Variants in HTR4 observed in about 807,000 individuals in gnomAD.
HTR4 encodes 5-hydroxytryptamine receptor 4.
HTR4 carries 16 observed loss-of-function variants against 36.8 expected under a neutral mutation model. That is an observed-to-expected ratio of 0.43 (90% CI 0.29 to 0.66). The LOEUF (loss-of-function observed/expected upper bound fraction) is 0.66, where lower values mean the gene tolerates loss of function less well. Among genes scored for constraint, HTR4 ranks in the 30% least tolerant of loss-of-function variants. The pLI is 0.13. For missense variants in HTR4, 438 were observed against 490.9 expected, an observed-to-expected ratio of 0.89 and a Z score of 1.02; for synonymous variants, 189 against 185.1, an observed-to-expected ratio of 1.02 and a Z score of -0.17.
chr5:148,465,792 T>C (rs1408256432), intron 5 of HTR4: 10 of 1,571,734 alleles, frequency 6.4e-6, no homozygotes, highest in Non-Finnish European at 8.6e-6. Context: ...GGATATTTTG[T>C]ATAAAGAAAT....
intron 3 of HTR4, among the ~76,000 whole-genome samples, chr5:148,549,699 C>T (rs1056108307): frequency 6.6e-6 from 1 of 152,150 alleles, no homozygotes; most frequent in African/African-American, 2.4e-5. Context: ...TAATACCACA[C>T]GATGATAGTT....
At chr5:148,595,735 C>T (rs1353038101) in intron 2 of HTR4, among the ~76,000 whole-genome samples, 1 of 152,030 alleles carries the variant, frequency 6.6e-6, no homozygotes, top group Non-Finnish European at 1.5e-5. Flanking sequence ...TTCAATTTAT[C>T]CTTTCCTTTT....
At chr5:148,615,537 G>A (rs1271792975) in intron 2 of HTR4, among the ~76,000 whole-genome samples, 1 of 111,248 alleles carries the variant, frequency 9.0e-6, no homozygotes, top group Admixed American at 1.1e-4. Context: ...TTGTGGGGTG[G>A]GGGGAGGGGG....
chr5:148,580,192 C>CA (rs1246496137), intron 2 of HTR4, among the ~76,000 whole-genome samples: 1 of 151,974 alleles, frequency 6.6e-6, no homozygotes, highest in Admixed American at 6.6e-5. Context: ...AAAAAGCTTC[C>CA]AAGTACTGAT....
chr5:148,535,669 AGT>A (rs1758780392), intron 4 of HTR4, among the ~76,000 whole-genome samples: 2 of 152,228 alleles, frequency 1.3e-5, no homozygotes, highest in African/African-American at 4.8e-5. Context: ...AAAATAAGAC[AGT>A]TAGACAAAAA....
intron 2 of HTR4, among the ~76,000 whole-genome samples, chr5:148,574,539 T>C (rs1291203891): frequency 6.6e-6 from 1 of 152,132 alleles, no homozygotes; most frequent in Non-Finnish European, 1.5e-5. Context: ...TTATAAATGA[T>C]ATTTTCAGAT....
intron 6 of HTR4, among the ~76,000 whole-genome samples, chr5:148,497,015 A>G (rs1756715693): frequency 6.6e-6 from 1 of 152,170 alleles, no homozygotes; most frequent in Non-Finnish European, 1.5e-5. Context: ...CAAAAGGAAA[A>G]TCTGGGTTTT....
chr5:148,580,665 T>C (rs1257265120), intron 2 of HTR4, among the ~76,000 whole-genome samples: 1 of 152,158 alleles, frequency 6.6e-6, no homozygotes, highest in Non-Finnish European at 1.5e-5. Flanking sequence ...ACATAATGTC[T>C]TCCAGGTTTA....
At chr5:148,577,634 G>A (rs560661767) in intron 2 of HTR4, among the ~76,000 whole-genome samples, 2 of 152,208 alleles carry the variant, frequency 1.3e-5, no homozygotes, top group Middle Eastern at 3.4e-3. Flanking sequence ...ATACTATGCA[G>A]CCTATATAAA....
chr5:148,495,173 G>A (rs2113742681), intron 6 of HTR4, among the ~76,000 whole-genome samples: 1 of 152,288 alleles, frequency 6.6e-6, no homozygotes, highest in Admixed American at 6.5e-5. Flanking sequence ...CTGCTGTGTT[G>A]CCTAATTTAT....
chr5:148,481,756 C>T lies in HTR4; in HGVS notation c.*1447G>A. 4.9e-6 allele frequency: 7 copies of T among 1,421,130 alleles called. No individual in the cohort carries two copies. Among genetic ancestry groups the T allele is most frequent in the Non-Finnish European group, 6.4e-6 (7 of 1,096,848 alleles). 88.0% of individuals were successfully genotyped at this position (1,421,130 alleles called of 1,614,324 possible). On this transcript the variant is annotated 3_prime_UTR_variant, in exon 7 of 7. Coordinates refer to ENST00000377888, the MANE Select transcript of HTR4 (RefSeq NM_000870.7). ...AGATCAAAGTCAGAATCTCACATGGCTCTGGGTTTGGCATTTACCTTCCCG... is the reference window on the plus strand; with the variant it reads ...AGATCAAAGTCAGAATCTCACATGGTTCTGGGTTTGGCATTTACCTTCCCG...
At position 148,548,875 on chromosome 5, in the gene HTR4, G is replaced by C. The variant is rs1250585976; in HGVS notation, c.153-7C>G. On this transcript the variant is annotated splice_polypyrimidine_tract_variant and splice_region_variant and intron_variant, in intron 3 of 6. Transcript: ENST00000377888. ...ATAATTTGTTTTTATTTTCCTGTGA[G>C]TGAAAAAGTGTAAGAGAGGAGGCAG... 2.5e-6 allele frequency: 4 copies of C among 1,608,354 alleles called. No homozygotes were observed. In the Admixed American group the frequency reaches 5.0e-5, roughly 20 times the overall value.
chr5:148,500,258 G>A (rs1345552800), intron 6 of HTR4, among the ~76,000 whole-genome samples: 2 of 152,108 alleles, frequency 1.3e-5, no homozygotes, highest in South Asian at 4.1e-4. Context: ...AAAGAGTGAG[G>A]TGACAGCATG....
At chr5:148,495,454 G>T (rs1379357815) in intron 6 of HTR4, among the ~76,000 whole-genome samples, 2 of 152,172 alleles carry the variant, frequency 1.3e-5, no homozygotes, top group Admixed American at 1.3e-4. Context: ...AGAAGAGAGG[G>T]TAAGCCAGTA....
chr5:148,617,635 AT>A (rs1309646351), intron 2 of HTR4, among the ~76,000 whole-genome samples: 1 of 151,732 alleles, frequency 6.6e-6, no homozygotes, highest in Non-Finnish European at 1.5e-5. Context: ...CACCCAGCTA[AT>A]TTTTGTATTT....
intron 2 of HTR4, among the ~76,000 whole-genome samples, chr5:148,614,064 C>T (rs1047904016): frequency 6.6e-6 from 1 of 151,956 alleles, no homozygotes; most frequent in African/African-American, 2.4e-5. Flanking sequence ...ATTCTATGCT[C>T]ATGGGTAGGA....
chr5:148,499,809 A>G (rs1474999240), intron 6 of HTR4, among the ~76,000 whole-genome samples: 2 of 152,182 alleles, frequency 1.3e-5, no homozygotes, highest in East Asian at 3.9e-4. Context: ...TGCAGTAACA[A>G]GCGAATTGTC....
chr5:148,609,290 A>G (rs1423395287), intron 2 of HTR4, among the ~76,000 whole-genome samples: 2 of 152,190 alleles, frequency 1.3e-5, no homozygotes, highest in Non-Finnish European at 2.9e-5. Context: ...ACATGCCCCC[A>G]AATAAACATG....
At chr5:148,599,443 G>A (rs868285928) in intron 2 of HTR4, among the ~76,000 whole-genome samples, 2 of 152,080 alleles carry the variant, frequency 1.3e-5, no homozygotes, top group Admixed American at 6.6e-5. Flanking sequence ...TGACTTTTCA[G>A]CAGTAAGTAT....
Sources: gnomAD v4.1 joint callset for allele counts (sites outside exome capture counted in the v4.1 genomes callset) on GRCh38, gnomAD v4.1.1 for gene constraint, MANE v1.5 for transcripts, NCBI Gene and HGNC (gene_info 2026-07-23, HGNC 2026-07-21) for gene names.